Variants in TMEM132C observed in about 807,000 individuals in gnomAD.
The protein encoded by TMEM132C is protein phosphatase 1, regulatory subunit 152.
In TMEM132C, 29 loss-of-function variants were observed where a neutral mutation model predicts 61.4. That is an observed-to-expected ratio of 0.47 (90% CI 0.35 to 0.64). The LOEUF is 0.64. Ranked by LOEUF, TMEM132C falls within the 30% of genes least tolerant of loss-of-function variation. TMEM132C has a pLI of 0.00. For synonymous variants in TMEM132C, 656 were observed against 633.1 expected (o/e 1.04, Z -0.54); for missense variants, 1,408 against 1,476.9 (o/e 0.95, Z 0.76).
intron 2 of TMEM132C, among the ~76,000 whole-genome samples, chr12:128,478,767 C>T (rs1871235857): frequency 6.6e-6 from 1 of 152,220 alleles, no homozygotes; most frequent in Non-Finnish European, 1.5e-5. Flanking sequence ...TACAAGGACT[C>T]AGACGCATCT....
chr12:128,452,352 G>T (rs1294253244), intron 2 of TMEM132C, among the ~76,000 whole-genome samples: 2 of 151,568 alleles, frequency 1.3e-5, no homozygotes, highest in African/African-American at 4.8e-5. Flanking sequence ...CTCCCACCTC[G>T]GCCTCCCAAA....
chr12:128,337,322 TA>T (rs1872816365), intron 1 of TMEM132C, among the ~76,000 whole-genome samples: 2 of 152,232 alleles, frequency 1.3e-5, no homozygotes, highest in Admixed American at 1.3e-4. Flanking sequence ...TCCTTGATGA[TA>T]TTTTTCTATT....
intron 2 of TMEM132C, among the ~76,000 whole-genome samples, chr12:128,435,656 C>A (rs1869563758): frequency 6.6e-6 from 1 of 152,120 alleles, no homozygotes; most frequent in African/African-American, 2.4e-5. Flanking sequence ...AGGACACAAA[C>A]AAATGGAAGA....
chr12:128,370,098 C>A (rs1433042223), intron 1 of TMEM132C, among the ~76,000 whole-genome samples: 1 of 152,178 alleles, frequency 6.6e-6, no homozygotes, highest in Non-Finnish European at 1.5e-5. Context: ...TTATCGTACA[C>A]CATTTCATGG....
intron 1 of TMEM132C, among the ~76,000 whole-genome samples, chr12:128,358,078 G>A (rs563284496): frequency 6.6e-6 from 1 of 152,102 alleles, no homozygotes; most frequent in Non-Finnish European, 1.5e-5. Flanking sequence ...ACCCCTGTGA[G>A]CCATTCGAGG....
chr12:128,289,766 G>A (rs1193399), intron 1 of TMEM132C, among the ~76,000 whole-genome samples: 148,120 of 152,334 alleles, frequency 0.97, 72,042 homozygotes, highest in East Asian at 1. Flanking sequence ...TCTATTTCAA[G>A]TCTTTTAATC....
chr12:128,527,225 A>C (rs1873115790), intron 2 of TMEM132C, among the ~76,000 whole-genome samples: 1 of 152,184 alleles, frequency 6.6e-6, no homozygotes, highest in African/African-American at 2.4e-5. Context: ...GAACAAAAGA[A>C]AGATGAATTC....
intron 5 of TMEM132C, among the ~76,000 whole-genome samples, chr12:128,687,830 C>T (rs1954689661): frequency 6.6e-6 from 1 of 152,224 alleles, no homozygotes; most frequent in Admixed American, 6.5e-5. Context: ...TGTTTCCAAA[C>T]AAGCCCACAG....
In TMEM132C at chr12:128,705,392, C is replaced by A; in HGVS notation, c.2424C>A (p.Pro808=). Residue 808 remains proline, a synonymous_variant, in exon 9 of 9, where the codon CCC becomes CCA. Transcript: ENST00000435159. ...GACAGAACGATGCTGACTCCAGCCC[C>A]GGCGGGGACTATGAGGAAGATGAGA... ...KFGQNDADSS[P]GGDYEEDEIK... 2 of 1,551,216 alleles carry A rather than the reference C, an allele frequency of 1.3e-6. No homozygotes were observed. Among genetic ancestry groups the A allele is most frequent in the Non-Finnish European group, 1.7e-6 (2 of 1,146,988 alleles).
chr12:128,680,775 T>C (rs1954628191), intron 5 of TMEM132C, among the ~76,000 whole-genome samples: 1 of 152,214 alleles, frequency 6.6e-6, no homozygotes. Context: ...TGATTTAAGC[T>C]ACAGATAATA....
At chr12:128,407,877 G>C (rs973997619) in intron 1 of TMEM132C, among the ~76,000 whole-genome samples, 1 of 151,556 alleles carries the variant, frequency 6.6e-6, no homozygotes, top group African/African-American at 2.4e-5. Context: ...CAGGAGATGG[G>C]GTGCCATTTT....
intron 3 of TMEM132C, among the ~76,000 whole-genome samples, chr12:128,554,586 G>A (rs1311804542): frequency 6.6e-6 from 1 of 152,232 alleles, no homozygotes; most frequent in Non-Finnish European, 1.5e-5. Flanking sequence ...AATAATGCCT[G>A]TTTTCTTTAG....
chr12:128,550,432 G>A (rs1279366902), intron 3 of TMEM132C, among the ~76,000 whole-genome samples: 3 of 152,058 alleles, frequency 2.0e-5, no homozygotes, highest in Non-Finnish European at 2.9e-5. Context: ...GATCCGCCAA[G>A]TAGCTGAGAC....
chr12:128,625,163 T>G (rs1427517547), intron 4 of TMEM132C, among the ~76,000 whole-genome samples: 1 of 152,224 alleles, frequency 6.6e-6, no homozygotes, highest in Non-Finnish European at 1.5e-5. Context: ...ACTTAACCTC[T>G]AACTGAAACT....
At chr12:128,489,176 A>C (rs1363940592) in intron 2 of TMEM132C, among the ~76,000 whole-genome samples, 1 of 151,644 alleles carries the variant, frequency 6.6e-6, no homozygotes, top group African/African-American at 2.4e-5. Flanking sequence ...TCCCCTGTCC[A>C]CCCCAGTCAG....
chr12:128,341,833 T>C (rs1872985204), intron 1 of TMEM132C, among the ~76,000 whole-genome samples: 1 of 152,196 alleles, frequency 6.6e-6, no homozygotes, highest in Non-Finnish European at 1.5e-5. Context: ...GTATTTTAAA[T>C]GAGAAGGAAA....
chr12:128,599,066 C>T (rs1876075414), intron 3 of TMEM132C, among the ~76,000 whole-genome samples: 1 of 142,962 alleles, frequency 7.0e-6, no homozygotes, highest in Non-Finnish European at 1.6e-5. Flanking sequence ...TGTTTTTTGC[C>T]CTCTGCTTCT....
intron 2 of TMEM132C, among the ~76,000 whole-genome samples, chr12:128,448,526 C>G (rs918490518): frequency 6.6e-6 from 1 of 152,104 alleles, no homozygotes; most frequent in African/African-American, 2.4e-5. Flanking sequence ...ATGGAAGTCC[C>G]AGGGCTCCAA....
intron 2 of TMEM132C, among the ~76,000 whole-genome samples, chr12:128,460,229 G>A (rs78125461): frequency 0.066 from 10,038 of 152,186 alleles, 415 homozygotes; most frequent in Middle Eastern, 0.11. Flanking sequence ...AAAAACTGTG[G>A]TAGAACAAAC....
Sources: gnomAD v4.1 joint callset for allele counts (sites outside exome capture counted in the v4.1 genomes callset) on GRCh38, gnomAD v4.1.1 for gene constraint, MANE v1.5 for transcripts, NCBI Gene and HGNC (gene_info 2026-07-23, HGNC 2026-07-21) for gene names.